The following ITIH6 variants were observed in gnomAD, a reference collection of about 807,000 sequenced individuals.
ITIH6 encodes inter-alpha-trypsin inhibitor heavy chain family member 6, also known as inter-alpha-trypsin inhibitor heavy chain H6.
A neutral mutation model predicts 58.2 loss-of-function variants in ITIH6; 60 were observed. The observed-to-expected ratio is 1.03, with a 90% CI of 0.84 to 1.28. ITIH6 has a LOEUF of 1.28. ITIH6 is among the 50% of genes most tolerant of loss of function. The probability of loss-of-function intolerance (pLI) is 0.00; values close to 1 mark genes in which losing one functional copy is unlikely to be tolerated. For missense variants in ITIH6, 1,290 were observed against 1,021.1 expected (o/e 1.26, Z -3.59); for synonymous variants, 493 against 417.4 (o/e 1.18, Z -2.21).
chrX:54,791,151 T>C, intron 3 of ITIH6, 67 bp from the exon 4 acceptor site: 1 of 1,120,862 alleles, frequency 8.9e-7, no homozygotes, highest in Non-Finnish European at 1.2e-6. Context: ...GGCTGTTAGA[T>C]GACCTAGTTT....
intron 6 of ITIH6, among the ~76,000 whole-genome samples, chrX:54,771,801 C>T (rs1203166865): frequency 9.0e-6 from 1 of 111,469 alleles, no homozygotes; most frequent in Non-Finnish European, 1.9e-5. Flanking sequence ...CCATCTTACA[C>T]CAGTCAGAAT....
At chrX:54,763,375 A>G (rs772037481) in intron 6 of ITIH6, among the ~76,000 whole-genome samples, 1 of 111,641 alleles carries the variant, frequency 9.0e-6, no homozygotes, top group African/African-American at 3.3e-5. Flanking sequence ...GTGAGAGCCT[A>G]TGAGGTCCTA....
intron 5 of ITIH6, among the ~76,000 whole-genome samples, chrX:54,777,720 T>C (rs1163115131): frequency 8.9e-6 from 1 of 112,707 alleles, no homozygotes; most frequent in Non-Finnish European, 1.9e-5. Flanking sequence ...AATACTTCTA[T>C]GAGTCTGCAA....
intron 5 of ITIH6, among the ~76,000 whole-genome samples, chrX:54,786,321 CCTT>C (rs1274627291): frequency 2.7e-5 from 3 of 111,837 alleles, no homozygotes; most frequent in African/African-American, 6.5e-5. Flanking sequence ...TCTCAGGTTT[CCTT>C]CTTCTACTGC....
At chrX:54,776,785 C>T (rs1363617908) in intron 5 of ITIH6, among the ~76,000 whole-genome samples, 1 of 111,564 alleles carries the variant, frequency 9.0e-6, no homozygotes, top group African/African-American at 3.3e-5. Context: ...CCCTGAATAA[C>T]CAGCAATAAT....
At chrX:54,784,370 C>T (rs1929204753) in intron 5 of ITIH6, among the ~76,000 whole-genome samples, 1 of 111,494 alleles carries the variant, frequency 9.0e-6, no homozygotes, top group Non-Finnish European at 1.9e-5. Context: ...AGCTTCTACA[C>T]TGCAAGGGAA....
intron 2 of ITIH6, among the ~76,000 whole-genome samples, chrX:54,794,822 C>G (rs1229729600): frequency 9.0e-6 from 1 of 111,263 alleles, no homozygotes; most frequent in Non-Finnish European, 1.9e-5. Flanking sequence ...GTCCCTCTAC[C>G]CAAATCCAGG....
chrX:54,787,958 G>C (rs1929271272), intron 5 of ITIH6, among the ~76,000 whole-genome samples: 1 of 111,088 alleles, frequency 9.0e-6, no homozygotes, highest in Non-Finnish European at 1.9e-5. Context: ...CAGGGCCCTG[G>C]GATCGGTGCT....
intron 3 of ITIH6, 112 bp from the exon 4 acceptor site, chrX:54,791,196 T>G: frequency 1.3e-6 from 1 of 767,137 alleles, no homozygotes; most frequent in Non-Finnish European, 1.9e-6. Flanking sequence ...CCGACCTGAC[T>G]AGGCTTCTGG....
At chrX:54,782,277 G>T (rs1344068862) in intron 5 of ITIH6, among the ~76,000 whole-genome samples, 1 of 111,191 alleles carries the variant, frequency 9.0e-6, no homozygotes, top group Non-Finnish European at 1.9e-5. Flanking sequence ...TTAGCAGGGC[G>T]TGGTGGTGCA....
At chrX:54,761,316 C>T (rs1212706301) in intron 6 of ITIH6, among the ~76,000 whole-genome samples, 2 of 111,522 alleles carry the variant, frequency 1.8e-5, no homozygotes, top group African/African-American at 6.5e-5. Context: ...TGTTTGAGTT[C>T]TTTGTAGATT....
rs1263837046 is a variant in ITIH6 at position 54,751,106 on chromosome X, G to T, written c.3627C>A (p.Val1209=). Residue 1209 remains valine (V), a synonymous_variant, in exon 12 of 13, where the codon GTC becomes GTA. Coordinates refer to ENST00000218436, the MANE Select transcript of ITIH6 (RefSeq NM_198510.3). The part of the protein sequence containing the change: ...LRLGPYLEFL[V]LRHRYRHPST... The stretch of plus-strand genomic sequence containing the variant: ...TGGGATGCCTGTAGCGGTGTCGGAG[G>T]ACTAGGAACTCAAGGTAGGGCCCAA... 9.9e-6 allele frequency: 12 copies of T among 1,206,134 alleles called. No individual in the cohort carries two copies. Among genetic ancestry groups the T allele is most frequent in the Non-Finnish European group, 1.2e-5 (11 of 893,310 alleles).
chrX:54,754,077 T>C, intron 9 of ITIH6, 112 bp from the exon 10 acceptor site: 2 of 753,635 alleles, frequency 2.7e-6, no homozygotes, highest in Admixed American at 2.7e-5. Context: ...CATTTAAGGC[T>C]TTTCTGAAAT....
In ITIH6 at chrX:54,758,832, G is replaced by C. The variant is rs1175001596; in HGVS notation, c.1242C>G (p.Val414=). ...ATACCCTGTGGCCTAGCGCCTGACG[G>C]ACATTGGAGAGGATCACACTGGGGG... ...VTTPSVILSN[V]RQALGHRVSL... is the part of the protein sequence containing the mutation. The change falls in exon 8 of 13, where the codon GTC becomes GTG. Residue 414 remains valine, a synonymous_variant. Transcript: ENST00000218436. The C allele has an allele frequency of 8.3e-7, 1 of 1,209,552 alleles. No homozygotes were observed. The highest frequency in any genetic ancestry group is 1.8e-5 in the African/African-American group (1 of 57,111).
intron 5 of ITIH6, 74 bp downstream of exon 5, chrX:54,788,406 G>A: frequency 1.1e-6 from 1 of 937,924 alleles, no homozygotes. Context: ...GGTGTGAACA[G>A]CTGGAGAGGC....
In ITIH6 at chrX:54,758,972, C is replaced by T. The variant is rs1470264243; in HGVS notation, c.1102G>A (p.Ala368Thr). 5.1e-6 allele frequency: 6 copies of T among 1,177,713 alleles called. No individual in the cohort carries two copies. In the Admixed American group the frequency reaches 1.2e-4, roughly 23 times the overall value. Reference sequence around the variant, plus strand: ...CTATGGTTCAGCACTGAAGCAGCTGCCAGCAGAGCTGAGTTGACGTCTGTC... The same window carrying T: ...CTATGGTTCAGCACTGAAGCAGCTGTCAGCAGAGCTGAGTTGACGTCTGTC... ...GWTDVNSALLAAASVLNHSNQ... is the reference protein window; with the variant it reads ...GWTDVNSALLTAASVLNHSNQ... The change falls in exon 8 of 13, where the codon GCA becomes ACA. Residue 368 changes from alanine (A) to threonine (T), a missense_variant. Transcript: ENST00000218436.
chrX:54,756,225 C>T (rs1046364314), intron 8 of ITIH6, among the ~76,000 whole-genome samples: 1 of 111,385 alleles, frequency 9.0e-6, no homozygotes, highest in African/African-American at 3.3e-5. Context: ...CCTATAAGGT[C>T]ACCTAGGAAA....
intron 6 of ITIH6, among the ~76,000 whole-genome samples, chrX:54,761,620 T>C (rs1215811787): frequency 1.8e-5 from 2 of 111,234 alleles, no homozygotes; most frequent in Non-Finnish European, 3.8e-5. Flanking sequence ...TTGTATAAGG[T>C]GTAAGGAAGG....
Position 54,793,989 on chromosome X carries a change from T to C in ITIH6, c.258-1953A>G, listed in dbSNP as rs372707026. Among the ~76,000 whole-genome samples the C allele has an allele frequency of 1.3e-4, 14 of 111,711 alleles. 1 individual carries two copies. Among genetic ancestry groups the C allele is most frequent in the African/African-American group, 4.2e-4 (13 of 30,658 alleles). The stretch of plus-strand genomic sequence containing the variant: ...TAGGACGCAAGTACAACAGTTTCCA[T>C]TTTACAAGTGGAGTAACTGAGGCAC... On this transcript the variant is annotated intron_variant, in intron 2 of 12. Coordinates refer to ENST00000218436, the MANE Select transcript of ITIH6 (RefSeq NM_198510.3).
Sources: allele counts gnomAD v4.1 joint callset (sites outside exome capture counted in the v4.1 genomes callset), GRCh38; gene constraint gnomAD v4.1.1; transcripts MANE v1.5; gene names NCBI Gene and HGNC (gene_info 2026-07-23, HGNC 2026-07-21).